Variants in CWF19L2 observed in about 807,000 individuals in gnomAD.
CWF19L2 encodes the protein CWF19 like cell cycle control factor 2.
A neutral mutation model predicts 111.7 loss-of-function variants in CWF19L2; 98 were observed. That is an observed-to-expected ratio of 0.88 (90% confidence interval 0.75 to 1.04). CWF19L2 has a LOEUF of 1.04. CWF19L2 is among the 50% of genes least tolerant of loss of function. CWF19L2 has a pLI of 0.00. For missense variants in CWF19L2, 1,101 were observed against 1,051.4 expected (o/e 1.05, Z -0.65); for synonymous variants, 351 against 342.9 (o/e 1.02, Z -0.26).
intron 1 of CWF19L2, among the ~76,000 whole-genome samples, chr11:107,456,467 C>T (rs1344539223): frequency 6.6e-6 from 1 of 152,042 alleles, no homozygotes; most frequent in African/African-American, 2.4e-5. Context: ...TATACCCACA[C>T]ACACACATTA....
intron 10 of CWF19L2, among the ~76,000 whole-genome samples, chr11:107,411,449 A>G (rs1167050546): frequency 6.6e-6 from 1 of 152,162 alleles, no homozygotes; most frequent in East Asian, 1.9e-4. Flanking sequence ...TGTTCATTAT[A>G]ACTTTTTAAG....
chr11:107,425,260 T>C (rs1861359224), intron 8 of CWF19L2, among the ~76,000 whole-genome samples: 2 of 151,360 alleles, frequency 1.3e-5, no homozygotes, highest in Admixed American at 6.6e-5. Context: ...AAAAGAGCTC[T>C]AGCCCAGTAA....
chr11:107,423,090 C>T (rs1219650231), intron 8 of CWF19L2, among the ~76,000 whole-genome samples: 1 of 151,890 alleles, frequency 6.6e-6, no homozygotes, highest in Non-Finnish European at 1.5e-5. Flanking sequence ...TTATATGCAT[C>T]CGTGGGCTGA....
intron 17 of CWF19L2, among the ~76,000 whole-genome samples, chr11:107,327,482 A>G (rs1859778514): frequency 6.6e-6 from 1 of 152,220 alleles, no homozygotes; most frequent in South Asian, 2.1e-4. Context: ...GCTACCAAGT[A>G]TATTTATAAA....
At chr11:107,384,159 T>C (rs1860732044) in intron 12 of CWF19L2, among the ~76,000 whole-genome samples, 1 of 152,216 alleles carries the variant, frequency 6.6e-6, no homozygotes. Flanking sequence ...CAACTATTCC[T>C]GACTAGCTAC....
At chr11:107,376,279 T>C (rs1315700224) in intron 12 of CWF19L2, among the ~76,000 whole-genome samples, 1 of 87,572 alleles carries the variant, frequency 1.1e-5, no homozygotes, top group African/African-American at 6.3e-5. Flanking sequence ...CCAGCATCAT[T>C]CTGATACCAA....
At chr11:107,388,111 C>T (rs1296531322) in intron 12 of CWF19L2, among the ~76,000 whole-genome samples, 1 of 152,144 alleles carries the variant, frequency 6.6e-6, no homozygotes, top group Admixed American at 6.5e-5. Flanking sequence ...TCTGATGAAA[C>T]ATCACCTATA....
At chr11:107,448,380 C>A in intron 3 of CWF19L2, among the ~76,000 whole-genome samples, 1 of 145,846 alleles carries the variant, frequency 6.9e-6, no homozygotes. Context: ...GCCAGTAAAC[C>A]TGAAGCTCAC....
At chr11:107,432,010 C>A (rs1861471986) in intron 7 of CWF19L2, among the ~76,000 whole-genome samples, 2 of 151,972 alleles carry the variant, frequency 1.3e-5, no homozygotes, top group African/African-American at 4.8e-5. Context: ...AGTACAGCTG[C>A]ATATTTTTAC....
At chr11:107,354,453 T>C (rs989291160) in intron 12 of CWF19L2, among the ~76,000 whole-genome samples, 10 of 152,306 alleles carry the variant, frequency 6.6e-5, no homozygotes, top group Admixed American at 2.0e-4. Context: ...ACAATGGTTG[T>C]AACAATACTG....
At chr11:107,332,437 GC>G (rs1859863070) in intron 16 of CWF19L2, among the ~76,000 whole-genome samples, 2 of 151,706 alleles carry the variant, frequency 1.3e-5, no homozygotes, top group Non-Finnish European at 2.9e-5. Flanking sequence ...AACAAAATGG[GC>G]AGATAAAGAG....
intron 13 of CWF19L2, among the ~76,000 whole-genome samples, chr11:107,350,759 G>C (rs1228435853): frequency 6.6e-6 from 1 of 152,126 alleles, no homozygotes; most frequent in Non-Finnish European, 1.5e-5. Flanking sequence ...AGCAGAAAAA[G>C]GTATAGATAG....
intron 10 of CWF19L2, among the ~76,000 whole-genome samples, chr11:107,409,074 G>A (rs1370155533): frequency 6.6e-6 from 1 of 150,968 alleles, no homozygotes; most frequent in Non-Finnish European, 1.5e-5. Context: ...ATCAACTGCA[G>A]GGATTGGGAT....
chr11:107,447,466 C>A (rs1861716875), intron 3 of CWF19L2, among the ~76,000 whole-genome samples: 1 of 152,166 alleles, frequency 6.6e-6, no homozygotes, highest in African/African-American at 2.4e-5. Flanking sequence ...CCAGAGCTCA[C>A]AAAGGGCTGG....
intron 8 of CWF19L2, among the ~76,000 whole-genome samples, chr11:107,420,840 T>C (rs987243305): frequency 1.4e-4 from 22 of 152,200 alleles, no homozygotes; most frequent in African/African-American, 5.3e-4. Context: ...TGGTTGATCA[T>C]GGGTAACTGA....
intron 12 of CWF19L2, among the ~76,000 whole-genome samples, chr11:107,355,413 CT>C (rs1464268526): frequency 2.0e-5 from 1 of 50,694 alleles, no homozygotes; most frequent in East Asian, 5.3e-4. Context: ...GAAACTCCGT[CT>C]CAAAAAAAAA....
chr11:107,350,771 G>A (rs1860145808), intron 13 of CWF19L2, among the ~76,000 whole-genome samples: 1 of 152,194 alleles, frequency 6.6e-6, no homozygotes, highest in African/African-American at 2.4e-5. Context: ...TATAGATAGT[G>A]TCTAGGGAGA....
At chr11:107,446,907 C>A (rs974783777) in intron 3 of CWF19L2, among the ~76,000 whole-genome samples, 1 of 152,144 alleles carries the variant, frequency 6.6e-6, no homozygotes, top group Non-Finnish European at 1.5e-5. Context: ...ACCTTGAACT[C>A]ATTAACTATC....
intron 8 of CWF19L2, among the ~76,000 whole-genome samples, chr11:107,422,927 T>C (rs1259239361): frequency 1.3e-5 from 2 of 152,004 alleles, no homozygotes; most frequent in African/African-American, 4.8e-5. Context: ...GGCAATACTC[T>C]GGTGTTTAAG....
Sources: allele counts gnomAD v4.1 joint callset (sites outside exome capture counted in the v4.1 genomes callset), GRCh38; gene constraint gnomAD v4.1.1; transcripts MANE v1.5; gene names NCBI Gene and HGNC (gene_info 2026-07-23, HGNC 2026-07-21).